Variants in SAXO1 observed in about 807,000 individuals in gnomAD.
The protein encoded by SAXO1 is 4930500O09Rik.
A neutral mutation model predicts 17.5 loss-of-function variants in SAXO1; 21 were observed. That is an observed-to-expected ratio of 1.20 (90% confidence interval 0.85 to 1.72). The LOEUF (loss-of-function observed/expected upper bound fraction) is 1.72, where lower values mean the gene tolerates loss of function less well. SAXO1 is among the 40% of genes most tolerant of loss of function. The probability of loss-of-function intolerance (pLI) is 0.00; values close to 1 mark genes in which losing one functional copy is unlikely to be tolerated. For missense variants in SAXO1, 843 were observed against 596.0 expected (o/e 1.41, Z -4.32); for synonymous variants, 274 against 216.5 (o/e 1.27, Z -2.33).
intron 1 of SAXO1, among the ~76,000 whole-genome samples, chr9:18,980,949 G>A (rs1833362724): frequency 6.6e-6 from 1 of 152,004 alleles, no homozygotes; most frequent in Admixed American, 6.6e-5. Flanking sequence ...TTTAAAATGT[G>A]CTTATCCTGG....
intron 1 of SAXO1, among the ~76,000 whole-genome samples, chr9:19,004,126 T>C (rs896590217): frequency 1.3e-5 from 2 of 152,058 alleles, no homozygotes; most frequent in African/African-American, 4.8e-5. Context: ...AACAGACATA[T>C]GAAAAAATGC....
At chr9:18,985,874 T>G (rs1036283647) in intron 1 of SAXO1, among the ~76,000 whole-genome samples, 1 of 152,218 alleles carries the variant, frequency 6.6e-6, no homozygotes, top group African/African-American at 2.4e-5. Flanking sequence ...ATGAGAAAAT[T>G]TGGCAGGTAT....
chr9:19,023,346 T>C (rs144127317), intron 1 of SAXO1, among the ~76,000 whole-genome samples: 21 of 152,268 alleles, frequency 1.4e-4, no homozygotes, highest in African/African-American at 5.1e-4. Context: ...GCTTATTTAA[T>C]AACATCTACC....
intron 1 of SAXO1, among the ~76,000 whole-genome samples, chr9:19,017,272 T>C (rs1835016978): frequency 6.6e-6 from 1 of 152,130 alleles, no homozygotes; most frequent in South Asian, 2.1e-4. Flanking sequence ...AAAACCTACC[T>C]ATTGGGTACT....
At chr9:18,987,083 C>A (rs1366075634) in intron 1 of SAXO1, among the ~76,000 whole-genome samples, 1 of 152,128 alleles carries the variant, frequency 6.6e-6, no homozygotes, top group Non-Finnish European at 1.5e-5. Context: ...CACAAGCACT[C>A]CATGAATGTT....
At chr9:18,933,882 T>C (rs965203144) in intron 3 of SAXO1, among the ~76,000 whole-genome samples, 1 of 152,038 alleles carries the variant, frequency 6.6e-6, no homozygotes, top group Non-Finnish European at 1.5e-5. Context: ...CTGTCTCTAC[T>C]AAAAATACAA....
rs189019282 is a variant in SAXO1 at position 19,000,276 on chromosome 9, G to A, written c.38+32595C>T. Among the ~76,000 whole-genome samples, 557 of 146,630 alleles carry A rather than the reference G, an allele frequency of 3.8e-3. 3 individuals are homozygous for A. Among genetic ancestry groups the A allele is most frequent in the African/African-American group, 0.013 (528 of 39,504 alleles). Reference sequence around the variant, plus strand: ...CCCAACTGACTGGGACGTGAGGAGCGCCTCTGCCCAGCCGCCCCACCCTCT... The same window carrying A: ...CCCAACTGACTGGGACGTGAGGAGCACCTCTGCCCAGCCGCCCCACCCTCT... On this transcript the variant is annotated intron_variant, in intron 1 of 3. Coordinates refer to ENST00000380534, the MANE Select transcript of SAXO1 (RefSeq NM_153707.4).
At chr9:18,945,041 C>T (rs1831730414) in intron 2 of SAXO1, among the ~76,000 whole-genome samples, 1 of 152,188 alleles carries the variant, frequency 6.6e-6, no homozygotes, top group Non-Finnish European at 1.5e-5. Context: ...ATGCTTTTCT[C>T]TCTTCCTCCC....
At chr9:19,008,597 G>C (rs62560425) in intron 1 of SAXO1, among the ~76,000 whole-genome samples, 11,127 of 152,154 alleles carry the variant, frequency 0.073, 505 homozygotes, top group African/African-American at 0.12. Flanking sequence ...ATACCTACCC[G>C]AATATTTATC....
intron 1 of SAXO1, among the ~76,000 whole-genome samples, chr9:19,001,117 C>T (rs1426238551): frequency 1.3e-5 from 2 of 152,178 alleles, no homozygotes; most frequent in Non-Finnish European, 2.9e-5. Flanking sequence ...AACTCTCCAA[C>T]CCAAATCAAC....
rs780018042 is a variant in SAXO1, at chr9:19,032,921, G to T, written c.-13C>A. 5.6e-6 allele frequency: 9 copies of T among 1,607,100 alleles called. No homozygotes were observed. The East Asian group carries it at 2.0e-4, about 36-fold the overall frequency. On this transcript the variant is annotated 5_prime_UTR_variant, in exon 1 of 4. Coordinates refer to ENST00000380534, the MANE Select transcript of SAXO1 (RefSeq NM_153707.4). ...ACTTCGTCTTCATAGGGGCGATCCT[G>T]AGGCCCTGACGTCCCCTCAGAGCAT...
chr9:18,998,656 T>C (rs1355025555), intron 1 of SAXO1, among the ~76,000 whole-genome samples: 2 of 152,076 alleles, frequency 1.3e-5, no homozygotes, highest in South Asian at 4.1e-4. Context: ...CCCAAACACG[T>C]AATTGTCAGA....
In SAXO1 at chr9:18,980,422, T is replaced by G. The variant is rs558412074; in HGVS notation, c.39-29485A>C. Among the ~76,000 whole-genome samples the G allele has an allele frequency of 2.6e-5, 4 of 151,860 alleles. No homozygotes were observed. In the East Asian group the frequency reaches 7.8e-4, roughly 30 times the overall value. ...GATGAAGAAGTTGAGTTTTAGCAGC[T>G]CATTAATCCTCCAGACTCACCAAAA... is the stretch of plus-strand genomic sequence containing the variant. On this transcript the variant is annotated intron_variant, in intron 1 of 3. Transcript: ENST00000380534.
chr9:19,018,787 T>G (rs902627783), intron 1 of SAXO1, among the ~76,000 whole-genome samples: 5 of 152,218 alleles, frequency 3.3e-5, no homozygotes, highest in Non-Finnish European at 5.9e-5. Context: ...TCTGGGTATG[T>G]GCTTTATATG....
chr9:18,974,029 A>C (rs1201882214), intron 1 of SAXO1, among the ~76,000 whole-genome samples: 2 of 152,200 alleles, frequency 1.3e-5, no homozygotes, highest in African/African-American at 4.8e-5. Flanking sequence ...CAGTATCCAA[A>C]AACTTGGGGC....
chr9:19,031,579 G>T (rs908449014), intron 1 of SAXO1, among the ~76,000 whole-genome samples: 9 of 152,100 alleles, frequency 5.9e-5, no homozygotes, highest in African/African-American at 1.7e-4. Flanking sequence ...AAAAAGAAAG[G>T]CGGCCTTAGA....
chr9:19,025,494 T>A (rs974543462), intron 1 of SAXO1, among the ~76,000 whole-genome samples: 2 of 152,210 alleles, frequency 1.3e-5, no homozygotes, highest in Non-Finnish European at 2.9e-5. Context: ...CTGGTTAACA[T>A]AACTGATTTA....
intron 1 of SAXO1, among the ~76,000 whole-genome samples, chr9:19,025,270 GT>G (rs972755957): frequency 3.3e-5 from 5 of 151,380 alleles, no homozygotes; most frequent in Non-Finnish European, 7.4e-5. Context: ...TGTTCTTTGT[GT>G]TTTTTTTCCT....
At chr9:18,957,747 G>A (rs577172594) in intron 1 of SAXO1, among the ~76,000 whole-genome samples, 2 of 152,238 alleles carry the variant, frequency 1.3e-5, no homozygotes, top group East Asian at 3.9e-4. Flanking sequence ...CCTTCTCAAA[G>A]AAGGATCTAT....
Sources: gnomAD v4.1 joint callset for allele counts (sites outside exome capture counted in the v4.1 genomes callset) on GRCh38, gnomAD v4.1.1 for gene constraint, MANE v1.5 for transcripts, NCBI Gene and HGNC (gene_info 2026-07-23, HGNC 2026-07-21) for gene names.